The following AK7 variants were observed in gnomAD, a reference collection of about 807,000 sequenced individuals.
AK7 encodes the protein adenylate kinase 7.
A neutral mutation model predicts 96.6 loss-of-function variants in AK7; 78 were observed. The ratio of observed to expected loss-of-function variants is 0.81; its 90% CI spans 0.67 to 0.97. The LOEUF (loss-of-function observed/expected upper bound fraction) is 0.97, where lower values mean the gene tolerates loss of function less well. AK7 is among the 50% of genes least tolerant of loss of function. AK7 has a pLI of 0.00. For missense variants in AK7, 855 were observed against 887.9 expected, an observed-to-expected ratio of 0.96 and a Z score of 0.47; for synonymous variants, 302 against 317.2, an observed-to-expected ratio of 0.95 and a Z score of 0.51.
intron 5 of AK7, among the ~76,000 whole-genome samples, chr14:96,432,816 C>G (rs1376508581): frequency 1.5e-5 from 2 of 135,028 alleles, no homozygotes; most frequent in African/African-American, 2.8e-5. Flanking sequence ...AACCCTATCT[C>G]TACTAAAAAT....
chr14:96,454,059 G>T (rs539396269), intron 10 of AK7, among the ~76,000 whole-genome samples: 1 of 151,916 alleles, frequency 6.6e-6, no homozygotes, highest in African/African-American at 2.4e-5. Flanking sequence ...GACCACACGC[G>T]CCAGAGCCAT....
intron 12 of AK7, among the ~76,000 whole-genome samples, chr14:96,467,139 A>G (rs368606326): frequency 1.3e-5 from 2 of 152,006 alleles, no homozygotes; most frequent in Non-Finnish European, 2.9e-5. Flanking sequence ...TGGAAAGTGT[A>G]TATGTATAAT....
intron 4 of AK7, among the ~76,000 whole-genome samples, chr14:96,416,362 G>A (rs1404306147): frequency 6.6e-6 from 1 of 151,518 alleles, no homozygotes; most frequent in African/African-American, 2.4e-5. Context: ...ACTCCAGCCT[G>A]GAGACAGAGT....
At chr14:96,486,873 T>C (rs1444379565) in intron 16 of AK7, 25 bp from the exon 17 acceptor site, 1 of 1,609,432 alleles carries the variant, frequency 6.2e-7, no homozygotes, top group Non-Finnish European at 8.5e-7. Context: ...ACACATTTAC[T>C]TTACCACCAA....
intron 5 of AK7, among the ~76,000 whole-genome samples, chr14:96,428,983 C>G (rs1294071639): frequency 1.3e-5 from 2 of 152,176 alleles, no homozygotes; most frequent in Admixed American, 1.3e-4. Flanking sequence ...TCCCATTTGT[C>G]TATTTTGGCT....
In AK7 at chr14:96,408,895, T is replaced by A. The variant is rs1430352254; in HGVS notation, c.452T>A (p.Leu151Ter). The A allele has an allele frequency of 6.2e-7, 1 of 1,614,240 alleles. No individual in the cohort carries two copies. Among genetic ancestry groups the A allele is most frequent in the East Asian group, 2.2e-5 (1 of 44,892 alleles). ...SHFEKRKLFI[L>*]LSTVMTWARS... is the part of the protein sequence containing the mutation. ...TTTGAAAAGCGAAAGCTATTTATTTTACTGTCGACGGTGATGACTTGGGCG... is the reference window on the plus strand; with the variant it reads ...TTTGAAAAGCGAAAGCTATTTATTTAACTGTCGACGGTGATGACTTGGGCG... Residue 151 changes from leucine (L) to a stop codon, truncating the protein, a stop_gained, in exon 4 of 18, where the codon TTA (leucine) becomes TAA (stop). Coordinates refer to ENST00000267584, the MANE Select transcript of AK7 (RefSeq NM_152327.5). LOFTEE classifies it high-confidence loss of function.
intron 5 of AK7, among the ~76,000 whole-genome samples, chr14:96,424,851 T>G (rs1486023104): frequency 9.9e-5 from 15 of 152,238 alleles, no homozygotes; most frequent in Admixed American, 9.8e-4. Flanking sequence ...ACCCGTGATT[T>G]CTTGATCATT....
At chr14:96,464,665 G>A (rs556086668) in intron 12 of AK7, among the ~76,000 whole-genome samples, 5 of 150,936 alleles carry the variant, frequency 3.3e-5, no homozygotes, top group Non-Finnish European at 7.4e-5. Flanking sequence ...AAGAACATAA[G>A]TATGCTATGT....
chr14:96,437,890 G>C lies in AK7; in HGVS notation c.665G>C (p.Gly222Ala). The change falls in exon 6 of 18, where the codon GGA becomes GCA. Residue 222 changes from glycine to alanine, a missense_variant. Transcript: ENST00000267584. ...VAAGLQYGAE[G>A]GMLHTFFKMA... Reference sequence around the variant, plus strand: ...GCTGGACTCCAGTATGGAGCGGAAGGAGGCATGTTACACACATTTTTTAAG... The same window carrying C: ...GCTGGACTCCAGTATGGAGCGGAAGCAGGCATGTTACACACATTTTTTAAG... 4 of 1,613,842 alleles carry C rather than the reference G, an allele frequency of 2.5e-6. No homozygotes were observed. The South Asian group carries it at 4.4e-5, about 18-fold the overall frequency.
intron 10 of AK7, 54 bp downstream of exon 10, chr14:96,451,624 C>G: frequency 7.3e-7 from 1 of 1,366,986 alleles, no homozygotes; most frequent in Non-Finnish European, 9.6e-7. Context: ...ATGAATCAAA[C>G]TTCTAGTGTG....
chr14:96,442,811 C>G lies in AK7; in HGVS notation c.772C>G (p.Leu258Val). The change falls in exon 7 of 18, where the codon CTA becomes GTA. Residue 258 changes from leucine (L) to valine (V), a missense_variant. Leu to Val is a conservative substitution (Grantham distance 32, BLOSUM62 1). Transcript: ENST00000267584. ...AATTCCAACAATCCATGTTCTTGAT[C>G]TAGCAGGGTAAGCATTCGCCCAGAG... ...NVIPTIHVLDLAGVIQNVIDH... is the reference protein window; with the variant it reads ...NVIPTIHVLDVAGVIQNVIDH... 2 of 1,613,684 alleles carry G rather than the reference C, an allele frequency of 1.2e-6. No individual in the cohort carries two copies. Among genetic ancestry groups the G allele is most frequent in the Non-Finnish European group, 1.7e-6 (2 of 1,179,548 alleles).
At chr14:96,392,741 G>A (rs1889829235) in intron 1 of AK7, among the ~76,000 whole-genome samples, 1 of 151,974 alleles carries the variant, frequency 6.6e-6, no homozygotes, top group African/African-American at 2.4e-5. Context: ...TCGGCTCACT[G>A]CAAGCTCCGC....
At chr14:96,407,605 A>G (rs891949148) in intron 3 of AK7, among the ~76,000 whole-genome samples, 3 of 129,392 alleles carry the variant, frequency 2.3e-5, no homozygotes, top group East Asian at 2.3e-4. Flanking sequence ...TTTTTGAGAC[A>G]GAGTCTCGCT....
intron 4 of AK7, among the ~76,000 whole-genome samples, chr14:96,411,794 C>G (rs568664288): frequency 6.6e-6 from 1 of 152,170 alleles, no homozygotes; most frequent in Non-Finnish European, 1.5e-5. Context: ...GGCATCCGTT[C>G]GAAGTCAGAG....
At chr14:96,457,054 C>CTTTTTTTTTTTTTTTTTTTT (rs35838636) in intron 11 of AK7, 1 of 86,722 alleles carries the variant, frequency 1.2e-5, no homozygotes, top group Non-Finnish European at 2.2e-5. Flanking sequence ...TGTAAAATGG[C>CTTTTTTTTTTTTTTTTTTTT]TTTTTTTTTT....
intron 10 of AK7, among the ~76,000 whole-genome samples, chr14:96,452,447 T>A (rs1414434483): frequency 6.6e-6 from 1 of 151,608 alleles, no homozygotes; most frequent in Non-Finnish European, 1.5e-5. Flanking sequence ...CTCAGCCTCC[T>A]GAGTAGTACC....
intron 8 of AK7, among the ~76,000 whole-genome samples, chr14:96,448,176 A>G (rs1202057169): frequency 6.7e-6 from 1 of 149,904 alleles, no homozygotes; most frequent in East Asian, 2.0e-4. Flanking sequence ...CTTCCTGTGC[A>G]CTCTCCCTGC....
chr14:96,416,447 T>C (rs1411797294), intron 4 of AK7, among the ~76,000 whole-genome samples: 1 of 151,902 alleles, frequency 6.6e-6, no homozygotes, highest in Non-Finnish European at 1.5e-5. Flanking sequence ...GATTTGCCCA[T>C]TGGCCTGATA....
At chr14:96,401,790 G>A (rs1435444281) in intron 2 of AK7, among the ~76,000 whole-genome samples, 1 of 152,182 alleles carries the variant, frequency 6.6e-6, no homozygotes, top group Non-Finnish European at 1.5e-5. Context: ...TGAGCATTCT[G>A]GGCTCTGCCA....
Sources: gnomAD v4.1 joint callset for allele counts (sites outside exome capture counted in the v4.1 genomes callset) on GRCh38, gnomAD v4.1.1 for gene constraint, MANE v1.5 for transcripts, NCBI Gene and HGNC (gene_info 2026-07-23, HGNC 2026-07-21) for gene names.